The following KCNH7 variants were observed in gnomAD, a reference collection of about 807,000 sequenced individuals.
KCNH7 encodes potassium voltage-gated channel subfamily H member 7.
KCNH7 carries 49 observed loss-of-function variants against 120.8 expected under a neutral mutation model. The observed-to-expected ratio is 0.41, with a 90% CI of 0.32 to 0.51. The LOEUF is 0.51. Among genes scored for constraint, KCNH7 ranks in the 20% least tolerant of loss-of-function variants. The probability of loss-of-function intolerance (pLI) is 0.38; values close to 1 mark genes in which losing one functional copy is unlikely to be tolerated. For missense variants in KCNH7, 1,097 were observed against 1,446.6 expected (o/e 0.76, Z 3.92); for synonymous variants, 547 against 516.1 (o/e 1.06, Z -0.81).
intron 2 of KCNH7, among the ~76,000 whole-genome samples, chr2:162,542,427 A>AGT (rs1692341547): frequency 9.2e-6 from 1 of 108,624 alleles, no homozygotes; most frequent in South Asian, 3.3e-4. Context: ...CAGTCCCCGG[A>AGT]GTGTGATGTT....
intron 5 of KCNH7, among the ~76,000 whole-genome samples, chr2:162,510,929 CA>C (rs1032180712): frequency 6.6e-6 from 1 of 151,576 alleles, no homozygotes; most frequent in African/African-American, 2.4e-5. Flanking sequence ...ATTAAGTTTG[CA>C]AATGTTTTCT....
At chr2:162,744,074 C>T (rs1362381859) in intron 2 of KCNH7, among the ~76,000 whole-genome samples, 1 of 151,934 alleles carries the variant, frequency 6.6e-6, no homozygotes, top group East Asian at 1.9e-4. Flanking sequence ...ATGCTGATGA[C>T]CCAGAAATCA....
intron 2 of KCNH7, among the ~76,000 whole-genome samples, chr2:162,723,248 G>T (rs928042298): frequency 6.6e-6 from 1 of 151,764 alleles, no homozygotes; most frequent in East Asian, 1.9e-4. Context: ...CACCTTTCCT[G>T]GTCTTCATGA....
chr2:162,646,682 AC>A (rs1298056340), intron 2 of KCNH7, among the ~76,000 whole-genome samples: 3 of 152,192 alleles, frequency 2.0e-5, no homozygotes, highest in Non-Finnish European at 4.4e-5. Flanking sequence ...GACAAAGGGG[AC>A]CATAAGAGAA....
chr2:162,756,150 A>G (rs1688782514), intron 2 of KCNH7, among the ~76,000 whole-genome samples: 1 of 152,220 alleles, frequency 6.6e-6, no homozygotes. Context: ...TTCAGTAAAC[A>G]TCAAGAGACT....
chr2:162,453,727 T>C (rs1466575383), intron 6 of KCNH7, among the ~76,000 whole-genome samples: 1 of 152,228 alleles, frequency 6.6e-6, no homozygotes, highest in Non-Finnish European at 1.5e-5. Context: ...TGAAGAGCTT[T>C]TTTTCATATG....
intron 2 of KCNH7, among the ~76,000 whole-genome samples, chr2:162,748,590 AACAG>A (rs1688396280): frequency 6.6e-6 from 1 of 152,176 alleles, no homozygotes; most frequent in South Asian, 2.1e-4. Context: ...CAACTGGCTA[AACAG>A]ACATTCTTTT....
At chr2:162,756,948 T>A (rs1198446054) in intron 2 of KCNH7, among the ~76,000 whole-genome samples, 2 of 152,144 alleles carry the variant, frequency 1.3e-5, no homozygotes, top group Non-Finnish European at 2.9e-5. Context: ...TGAATCAATA[T>A]CAATTTTTTA....
intron 2 of KCNH7, among the ~76,000 whole-genome samples, chr2:162,619,730 TA>T (rs1248249664): frequency 6.6e-6 from 1 of 152,124 alleles, no homozygotes; most frequent in Non-Finnish European, 1.5e-5. Context: ...AATTGCAAAT[TA>T]ATCTCCAGAT....
intron 2 of KCNH7, among the ~76,000 whole-genome samples, chr2:162,664,644 T>A (rs1685074074): frequency 6.6e-6 from 1 of 152,164 alleles, no homozygotes. Flanking sequence ...ATATCGTAGA[T>A]TACAATAATA....
intron 2 of KCNH7, among the ~76,000 whole-genome samples, chr2:162,737,020 A>G (rs1391338713): frequency 1.3e-5 from 2 of 152,194 alleles, no homozygotes; most frequent in African/African-American, 4.8e-5. Flanking sequence ...TGGAAATAAC[A>G]CACTCCAAAC....
At chr2:162,544,118 C>T (rs1692400632) in intron 2 of KCNH7, among the ~76,000 whole-genome samples, 2 of 152,148 alleles carry the variant, frequency 1.3e-5, no homozygotes, top group South Asian at 4.2e-4. Context: ...CTCCTTTTCA[C>T]CTTTGCAGTG....
intron 14 of KCNH7, among the ~76,000 whole-genome samples, chr2:162,377,160 T>G (rs1464650264): frequency 6.6e-6 from 1 of 152,126 alleles, no homozygotes; most frequent in Non-Finnish European, 1.5e-5. Context: ...CCCTTCAAAT[T>G]TTTTTGTATA....
chr2:162,537,198 T>A, intron 2 of KCNH7, 118 bp from the exon 3 acceptor site: 1 of 705,824 alleles, frequency 1.4e-6, no homozygotes, highest in Non-Finnish European at 2.2e-6. Flanking sequence ...TCACTGATAT[T>A]AAAAAATAAT....
intron 6 of KCNH7, among the ~76,000 whole-genome samples, chr2:162,489,332 G>A (rs1210614794): frequency 6.6e-6 from 1 of 151,864 alleles, no homozygotes; most frequent in East Asian, 1.9e-4. Context: ...ATTGTTTTGG[G>A]CCACACATTA....
chr2:162,735,117 A>T (rs912002226), intron 2 of KCNH7, among the ~76,000 whole-genome samples: 3 of 152,216 alleles, frequency 2.0e-5, no homozygotes, highest in African/African-American at 7.2e-5. Flanking sequence ...CACACTGCTC[A>T]CCAATCACTT....
At chr2:162,707,991 C>T (rs28544922) in intron 2 of KCNH7, among the ~76,000 whole-genome samples, 3,326 of 151,960 alleles carry the variant, frequency 0.022, 69 homozygotes, top group East Asian at 0.12. Context: ...ATTATAACCT[C>T]CCCATCTACT....
intron 7 of KCNH7, among the ~76,000 whole-genome samples, chr2:162,444,769 A>T (rs1688528678): frequency 6.6e-6 from 1 of 152,166 alleles, no homozygotes; most frequent in African/African-American, 2.4e-5. Context: ...AAACTCAAAG[A>T]TATATATTAA....
chr2:162,676,333 C>T lies in KCNH7; in HGVS notation c.308-139253G>A, dbSNP rs186888662. Reference sequence around the variant, plus strand: ...GTAATCTCTTGGTAAATCTCATTGACGGCACCTCCAAATTTCTGTTGGGTT... The same window carrying T: ...GTAATCTCTTGGTAAATCTCATTGATGGCACCTCCAAATTTCTGTTGGGTT... On this transcript the variant is annotated intron_variant, in intron 2 of 15. Transcript: ENST00000332142. Among the ~76,000 whole-genome samples, 104 of 151,546 alleles carry T rather than the reference C, an allele frequency of 6.9e-4. 1 individual carries two copies. The highest frequency in any genetic ancestry group is 2.5e-3 in the African/African-American group (102 of 41,474).
Sources: gnomAD v4.1 joint callset for allele counts (sites outside exome capture counted in the v4.1 genomes callset) on GRCh38, gnomAD v4.1.1 for gene constraint, MANE v1.5 for transcripts, NCBI Gene and HGNC (gene_info 2026-07-23, HGNC 2026-07-21) for gene names.